Variants in MYO6 observed in about 807,000 individuals in gnomAD.
MYO6 encodes myosin VI, also known as unconventional myosin-VI.
A neutral mutation model predicts 178.7 loss-of-function variants in MYO6; 74 were observed. That is an observed-to-expected ratio of 0.41 (90% CI 0.34 to 0.50). The LOEUF is 0.50. Among genes scored for constraint, MYO6 ranks in the 20% least tolerant of loss-of-function variants. The pLI, the probability that MYO6 is intolerant of heterozygous loss-of-function variation, is 0.09. For synonymous variants in MYO6, 477 were observed against 504.6 expected (o/e 0.95, Z 0.73); for missense variants, 1,330 against 1,547.4 (o/e 0.86, Z 2.36).
intron 1 of MYO6, chr6:75,768,273 T>G (rs995523878): frequency 1.3e-5 from 2 of 152,196 alleles, no homozygotes; most frequent in Non-Finnish European, 2.9e-5. Context: ...TGAATTTAAA[T>G]ACAAGATTTT....
chr6:75,763,531 T>G (rs2149995293), intron 1 of MYO6, among the ~76,000 whole-genome samples: 1 of 152,346 alleles, frequency 6.6e-6, no homozygotes, highest in Non-Finnish European at 1.5e-5. Context: ...AAATTTGATC[T>G]TATATTGTGC....
intron 1 of MYO6, among the ~76,000 whole-genome samples, chr6:75,788,997 A>C (rs575090532): frequency 1.4e-4 from 21 of 152,358 alleles, no homozygotes; most frequent in African/African-American, 4.8e-4. Flanking sequence ...CTTCTTCACA[A>C]AACCCAAAAA....
At chr6:75,903,384 G>A (rs1358576462) in intron 30 of MYO6, among the ~76,000 whole-genome samples, 2 of 151,566 alleles carry the variant, frequency 1.3e-5, no homozygotes, top group African/African-American at 4.8e-5. Context: ...GGTCACTCAG[G>A]ACTTGCTTTA....
chr6:75,864,629 A>G (rs575445613), intron 16 of MYO6, among the ~76,000 whole-genome samples: 113 of 152,268 alleles, frequency 7.4e-4, no homozygotes, highest in African/African-American at 2.7e-3. Flanking sequence ...AGGGGCACTA[A>G]TTGCTAGTCA....
chr6:75,771,669 A>G (rs1319044139), intron 1 of MYO6, among the ~76,000 whole-genome samples: 4 of 152,206 alleles, frequency 2.6e-5, no homozygotes, highest in African/African-American at 7.2e-5. Flanking sequence ...AATTATTTAC[A>G]GGAAAACAAT....
intron 1 of MYO6, among the ~76,000 whole-genome samples, chr6:75,812,660 GT>G (rs34395763): frequency 2.7e-5 from 4 of 148,802 alleles, no homozygotes; most frequent in East Asian, 2.0e-4. Context: ...AATTGTTTCA[GT>G]TTTTTTTTTA....
rs769941256 is a variant in MYO6 at position 75,870,690 on chromosome 6, G to A, written c.1983+5G>A. 1 of 1,609,992 alleles carries A rather than the reference G, an allele frequency of 6.2e-7. No individual in the cohort carries two copies. The highest frequency in any genetic ancestry group is 1.1e-5 in the South Asian group (1 of 90,970). On this transcript the variant is annotated splice_donor_5th_base_variant and intron_variant, in intron 19 of 34. Transcript: ENST00000369977. ...CTGGATAAACTTCGAAGTACTGTGA[G>A]TATGCTTAAAAAGAAAACAGGTTTT... is the stretch of plus-strand genomic sequence containing the variant.
At chr6:75,778,790 C>T (rs1016972975) in intron 1 of MYO6, among the ~76,000 whole-genome samples, 1 of 151,346 alleles carries the variant, frequency 6.6e-6, no homozygotes, top group Non-Finnish European at 1.5e-5. Flanking sequence ...GCTGCAGTGG[C>T]TCACGCCTGT....
At position 75,770,023 on chromosome 6, in the gene MYO6, AGGTGGTGCCCT is replaced by A. The variant is rs1211491306; in HGVS notation, c.-48+20606_-48+20616del. 6.7e-4 allele frequency among the ~76,000 whole-genome samples: 102 copies of A among 152,258 alleles called. 1 individual carries two copies. Among genetic ancestry groups the A allele is most frequent in the Non-Finnish European group, 1.2e-4 (8 of 67,996 alleles). ...GTGGCCCCCTTCTCACAGCTCCAGT[AGGTGGTGCCCT>A]GGTGGGGACTCTGTGGGGGCTCAGA... On this transcript the variant is annotated intron_variant, in intron 1 of 34. Transcript: ENST00000369977.
At chr6:75,852,747 A>G (rs1214940666) in intron 11 of MYO6, among the ~76,000 whole-genome samples, 1 of 152,148 alleles carries the variant, frequency 6.6e-6, no homozygotes, top group African/African-American at 2.4e-5. Flanking sequence ...TCCATTTGTC[A>G]GTTTCTAGAC....
At chr6:75,754,731 A>G (rs1777203589) in intron 1 of MYO6, among the ~76,000 whole-genome samples, 1 of 152,154 alleles carries the variant, frequency 6.6e-6, no homozygotes, top group Non-Finnish European at 1.5e-5. Flanking sequence ...GGAAATAGGA[A>G]GAGTTGCAGA....
At chr6:75,883,357 A>G (rs1291128965) in intron 23 of MYO6, among the ~76,000 whole-genome samples, 1 of 152,300 alleles carries the variant, frequency 6.6e-6, no homozygotes, top group East Asian at 1.9e-4. Context: ...TTTCTCAGTC[A>G]TTAACTATAT....
At position 75,858,966 on chromosome 6, in the gene MYO6, A is replaced by AT. The variant is rs1775958137; in HGVS notation, c.1452dup (p.Asn485Ter). The AT allele has an allele frequency of 6.2e-7, 1 of 1,607,324 alleles. No homozygotes were observed. The highest frequency in any genetic ancestry group is 8.5e-7 in the Non-Finnish European group (1 of 1,174,520). ...ACTATTGCAATGAAAAACTTCAACA[A>AT]TTTTTTAATGAAAGGATTCTGAAGG... On this transcript the variant is annotated frameshift_variant, in exon 14 of 35. Transcript: ENST00000369977. LOFTEE classifies it high-confidence loss of function.
intron 8 of MYO6, 77 bp downstream of exon 8, chr6:75,840,759 TGC>T: frequency 1.9e-6 from 2 of 1,043,332 alleles, no homozygotes; most frequent in Non-Finnish European, 3.0e-6. Flanking sequence ...GTGCTGTATT[TGC>T]ACTTAATGGT....
intron 20 of MYO6, among the ~76,000 whole-genome samples, chr6:75,876,521 A>AT (rs1265237513): frequency 2.0e-5 from 3 of 152,230 alleles, no homozygotes; most frequent in Non-Finnish European, 2.9e-5. Context: ...ATTCAAGTCC[A>AT]TTTTTTTCCC....
At position 75,828,599 on chromosome 6, in the gene MYO6, A is replaced by G. The variant is rs778762395; in HGVS notation, c.247A>G (p.Lys83Glu). The G allele has an allele frequency of 2.5e-6, 4 of 1,574,042 alleles. No homozygotes were observed. In the South Asian group the frequency reaches 4.4e-5, roughly 17 times the overall value. Residue 83 changes from lysine to glutamate, a missense_variant, in exon 4 of 35, where the codon AAA (lysine) becomes GAA (glutamate). This residue lies in a region of MYO6 where 116 missense variants were observed against 104.6 expected (regional missense o/e 1.11). Coordinates refer to ENST00000369977, the MANE Select transcript of MYO6 (RefSeq NM_004999.4). ...LLHNIKVRYS[K>E]DRIYTYVANI... ...CCATAATATCAAAGTTCGATATAGT[A>G]AAGACAGAATTTATGTAAGTATTTT...
rs552023027 is a variant in MYO6, at chr6:75,890,273, A to T, written c.2867+8A>T. 6.2e-7 allele frequency: 1 copy of T among 1,613,566 alleles called. No homozygotes were observed. The highest frequency in any genetic ancestry group is 1.7e-5 in the Admixed American group (1 of 60,012). Reference sequence around the variant, plus strand: ...AGAGGAGGAAAGGCGGATGTGAGGCATTTATATTATTTTGAATAAGAGACT... The same window carrying T: ...AGAGGAGGAAAGGCGGATGTGAGGCTTTTATATTATTTTGAATAAGAGACT... On this transcript the variant is annotated splice_region_variant and intron_variant, in intron 26 of 34. Coordinates refer to ENST00000369977, the MANE Select transcript of MYO6 (RefSeq NM_004999.4).
At chr6:75,857,930 A>C (rs904592033) in intron 13 of MYO6, among the ~76,000 whole-genome samples, 2 of 152,194 alleles carry the variant, frequency 1.3e-5, no homozygotes, top group African/African-American at 4.8e-5. Context: ...GTGAAGGAGT[A>C]GTGTCTTCTT....
chr6:75,895,341 AATTATTTTCT>A, intron 29 of MYO6, 81 bp downstream of exon 29: 2 of 1,132,868 alleles, frequency 1.8e-6, no homozygotes, highest in South Asian at 2.6e-5. Flanking sequence ...GTAAATTTTA[AATTATTTTCT>A]TCTATTGAAA....
Sources: gnomAD v4.1 joint callset for allele counts (sites outside exome capture counted in the v4.1 genomes callset) on GRCh38, gnomAD v4.1.1 for gene constraint, gnomAD v4.1.1 regional missense constraint, MANE v1.5 for transcripts, NCBI Gene and HGNC (gene_info 2026-07-23, HGNC 2026-07-21) for gene names.